The following ASCC3 variants were observed in gnomAD, a reference collection of about 807,000 sequenced individuals.
ASCC3 encodes ASC-1 complex subunit P200.
In ASCC3, 158 loss-of-function variants were observed where a neutral mutation model predicts 256.3. The observed-to-expected ratio is 0.62, with a 90% CI of 0.54 to 0.70. The LOEUF is 0.70. Among genes scored for constraint, ASCC3 ranks in the 30% least tolerant of loss-of-function variants. The probability of loss-of-function intolerance (pLI) is 0.00; values close to 1 mark genes in which losing one functional copy is unlikely to be tolerated. For synonymous variants in ASCC3, 948 were observed against 883.4 expected (o/e 1.07, Z -1.30); for missense variants, 2,259 against 2,626.0 (o/e 0.86, Z 3.05).
chr6:100,794,540 C>T (rs747353918), intron 8 of ASCC3, among the ~76,000 whole-genome samples: 13 of 152,002 alleles, frequency 8.6e-5, no homozygotes, highest in Non-Finnish European at 1.5e-5. Flanking sequence ...CCCAACTGTA[C>T]CACTTATTTC....
At chr6:100,582,856 T>C (rs1446426804) in intron 36 of ASCC3, among the ~76,000 whole-genome samples, 7 of 152,216 alleles carry the variant, frequency 4.6e-5, no homozygotes, top group African/African-American at 1.7e-4. Context: ...ATGTGGTTTT[T>C]GTCTTTGGTT....
intron 14 of ASCC3, among the ~76,000 whole-genome samples, chr6:100,664,781 G>A (rs576172820): frequency 6.6e-6 from 1 of 152,294 alleles, no homozygotes; most frequent in South Asian, 2.1e-4. Flanking sequence ...TCCTTCAGAG[G>A]CTAAAGGTAG....
intron 8 of ASCC3, among the ~76,000 whole-genome samples, chr6:100,782,519 C>T (rs1316463038): frequency 1.3e-5 from 2 of 152,266 alleles, no homozygotes; most frequent in Non-Finnish European, 2.9e-5. Flanking sequence ...ATGCCTATTA[C>T]CTTCGGCCTA....
chr6:100,815,076 G>C (rs1270760017), intron 4 of ASCC3, among the ~76,000 whole-genome samples: 3 of 151,752 alleles, frequency 2.0e-5, no homozygotes, highest in Non-Finnish European at 4.4e-5. Flanking sequence ...AAAGTCTCAG[G>C]ATACAAAATA....
At chr6:100,821,825 C>T (rs1432086512) in intron 4 of ASCC3, among the ~76,000 whole-genome samples, 1 of 149,508 alleles carries the variant, frequency 6.7e-6, no homozygotes, top group Non-Finnish European at 1.5e-5. Context: ...CTCCGACTCA[C>T]CAAAAAAAAT....
At chr6:100,707,089 C>T (rs1365245857) in intron 13 of ASCC3, among the ~76,000 whole-genome samples, 1 of 152,034 alleles carries the variant, frequency 6.6e-6, no homozygotes, top group African/African-American at 2.4e-5. Flanking sequence ...GAAGACAAGA[C>T]AATGCATCAA....
At chr6:100,592,028 C>T (rs574012836) in intron 34 of ASCC3, among the ~76,000 whole-genome samples, 1 of 151,212 alleles carries the variant, frequency 6.6e-6, no homozygotes, top group East Asian at 1.9e-4. Flanking sequence ...AATATCCCTT[C>T]TAAAGTCTGT....
Position 100,661,815 on chromosome 6 carries a change from T to C in ASCC3, c.2694A>G (p.Leu898=), listed in dbSNP as rs895040104. The change falls in exon 16 of 42, where the codon CTA becomes CTG. Residue 898 remains leucine (L), a synonymous_variant. Coordinates refer to ENST00000369162, the MANE Select transcript of ASCC3 (RefSeq NM_006828.4). ...ACTCATTAGATCTTACCTCTGCATT[T>C]AGGTTATCTGCAAGGCTTTCCAGAA... ...SQFLESLADN[L]NAEIALGTVT... 5 of 1,612,912 alleles carry C rather than the reference T, an allele frequency of 3.1e-6. No homozygotes were observed. Among genetic ancestry groups the C allele is most frequent in the Non-Finnish European group, 4.2e-6 (5 of 1,179,192 alleles).
intron 36 of ASCC3, among the ~76,000 whole-genome samples, chr6:100,542,950 C>T (rs1775536930): frequency 6.6e-6 from 1 of 151,916 alleles, no homozygotes; most frequent in South Asian, 2.1e-4. Flanking sequence ...ATTTTAATAT[C>T]ACTCAATACA....
rs1157865104 is a variant in ASCC3, at chr6:100,649,987, G to A, written c.3252+551C>T. On this transcript the variant is annotated intron_variant, in intron 20 of 41. Transcript: ENST00000369162. Reference sequence around the variant, plus strand: ...TAAATTAAATGAGCTGTAGTTTAGGGAATAATTTTCTTTCTGTCCTCAATG... The same window carrying A: ...TAAATTAAATGAGCTGTAGTTTAGGAAATAATTTTCTTTCTGTCCTCAATG... Among the ~76,000 whole-genome samples, 3 of 151,460 alleles carry A rather than the reference G, an allele frequency of 2.0e-5. No homozygotes were observed. In the South Asian group the frequency reaches 6.2e-4, roughly 31 times the overall value.
intron 24 of ASCC3, among the ~76,000 whole-genome samples, chr6:100,639,796 G>A (rs1190627336): frequency 1.3e-5 from 2 of 152,156 alleles, no homozygotes; most frequent in African/African-American, 2.4e-5. Context: ...ACACCAGACT[G>A]TAGGTTTCTT....
At chr6:100,555,389 A>C (rs182444612) in intron 36 of ASCC3, among the ~76,000 whole-genome samples, 191 of 152,318 alleles carry the variant, frequency 1.3e-3, no homozygotes, top group African/African-American at 4.5e-3. Context: ...ACTTATGGAC[A>C]TATGTTCGGC....
chr6:100,728,690 TA>T (rs1779753829), intron 10 of ASCC3, among the ~76,000 whole-genome samples: 2 of 152,234 alleles, frequency 1.3e-5, no homozygotes, highest in African/African-American at 4.8e-5. Context: ...AATAAACTAT[TA>T]AACTACGTGC....
rs1462601800 is a variant in ASCC3 at position 100,864,095 on chromosome 6, T to C, written c.210A>G (p.Leu70=). 1.9e-6 allele frequency: 3 copies of C among 1,593,738 alleles called. No individual in the cohort carries two copies. Among genetic ancestry groups the C allele is most frequent in the South Asian group, 1.1e-5 (1 of 90,098 alleles). The change falls in exon 3 of 42, where the codon TTA becomes TTG. Residue 70 remains leucine, a synonymous_variant. Transcript: ENST00000369162. ...KSKMQSINED[L]KDILHAAKQI... is the part of the protein sequence containing the mutation. ...GCTTTGCAGCATGTAATATATCTTT[T>C]AAGTCTTCATTTATACTTTGCATTT... is the stretch of plus-strand genomic sequence containing the variant.
intron 4 of ASCC3, among the ~76,000 whole-genome samples, chr6:100,814,738 T>A (rs1770657617): frequency 6.6e-6 from 1 of 152,166 alleles, no homozygotes; most frequent in African/African-American, 2.4e-5. Context: ...CAGAGGTGTT[T>A]ATAGTATTCT....
chr6:100,534,434 A>G (rs960158682), intron 37 of ASCC3, among the ~76,000 whole-genome samples: 20 of 152,216 alleles, frequency 1.3e-4, no homozygotes, highest in Non-Finnish European at 2.8e-4. Context: ...GCTAACATGA[A>G]GCTTTTCTTT....
At chr6:100,699,545 G>C (rs10457835) in intron 13 of ASCC3, among the ~76,000 whole-genome samples, 1 of 152,224 alleles carries the variant, frequency 6.6e-6, no homozygotes, top group East Asian at 1.9e-4. Context: ...GTAGAGTGAG[G>C]TGCTACTGAA....
intron 11 of ASCC3, among the ~76,000 whole-genome samples, chr6:100,723,086 G>A (rs757429995): frequency 4.6e-5 from 7 of 151,654 alleles, no homozygotes; most frequent in South Asian, 2.1e-4. Flanking sequence ...ATTCCATTTC[G>A]TTTTTATTTT....
intron 8 of ASCC3, among the ~76,000 whole-genome samples, chr6:100,788,153 T>C (rs1769181164): frequency 6.6e-6 from 1 of 151,922 alleles, no homozygotes; most frequent in Non-Finnish European, 1.5e-5. Context: ...AATTAAAAAC[T>C]TGACAAATTA....
Sources: allele counts gnomAD v4.1 joint callset (sites outside exome capture counted in the v4.1 genomes callset), GRCh38; gene constraint gnomAD v4.1.1; transcripts MANE v1.5; gene names NCBI Gene and HGNC (gene_info 2026-07-23, HGNC 2026-07-21).